The following AUTS2 variants were observed in gnomAD, a reference collection of about 807,000 sequenced individuals.
The protein encoded by AUTS2 is activator of transcription and developmental regulator AUTS2.
Under a neutral mutation model 112.4 loss-of-function variants are expected in AUTS2, and 17 were observed. The ratio of observed to expected loss-of-function variants is 0.15; its 90% CI spans 0.10 to 0.23. The LOEUF is 0.23. Among genes scored for constraint, AUTS2 ranks in the 10% least tolerant of loss-of-function variants. AUTS2 has a pLI of 1.00. For missense variants in AUTS2, 1,510 were observed against 1,701.6 expected, an observed-to-expected ratio of 0.89 and a Z score of 1.98; for synonymous variants, 751 against 702.7, an observed-to-expected ratio of 1.07 and a Z score of -1.09.
Position 70,440,226 on chromosome 7 carries a change from T to TAAAA in AUTS2, c.690+4465_690+4468dup, listed in dbSNP as rs768717430. Among the ~76,000 whole-genome samples, 812 of 92,794 alleles carry TAAAA rather than the reference T, an allele frequency of 8.8e-3. 2 individuals are homozygous for TAAAA. Among genetic ancestry groups the TAAAA allele is most frequent in the Non-Finnish European group, 0.016 (693 of 44,554 alleles). The allele number at this position is 92,794 out of a possible 152,430, so 60.9% of individuals were successfully genotyped here. ...GGGCAACATAGTGAGGCCCTGTCTC[T>TAAAA]AAAAAAAAAAAAAAAAAAAAAAATC... On this transcript the variant is annotated intron_variant, in intron 5 of 18. Transcript: ENST00000342771.
chr7:70,584,154 G>A (rs1200438386), intron 5 of AUTS2, among the ~76,000 whole-genome samples: 3 of 152,068 alleles, frequency 2.0e-5, no homozygotes, highest in East Asian at 1.9e-4. Context: ...CTGTTTCTTC[G>A]CACTGAAGTA....
At chr7:69,764,957 T>G (rs2129290444) in intron 1 of AUTS2, among the ~76,000 whole-genome samples, 1 of 152,320 alleles carries the variant, frequency 6.6e-6, no homozygotes. Context: ...TCTTTCTCCC[T>G]TTCTTTCCAG....
intron 4 of AUTS2, among the ~76,000 whole-genome samples, chr7:70,284,254 A>C (rs373479489): frequency 1.2e-4 from 18 of 152,316 alleles, no homozygotes; most frequent in African/African-American, 3.6e-4. Flanking sequence ...TGTATAGTAA[A>C]ACATAATTTT....
chr7:70,331,576 A>G (rs981083971), intron 4 of AUTS2, among the ~76,000 whole-genome samples: 1 of 144,916 alleles, frequency 6.9e-6, no homozygotes, highest in African/African-American at 2.6e-5. Context: ...GTTCTGATCT[A>G]TACTGGCAAA....
chr7:70,102,987 G>A (rs1804579965), intron 2 of AUTS2, among the ~76,000 whole-genome samples: 1 of 152,164 alleles, frequency 6.6e-6, no homozygotes, highest in African/African-American at 2.4e-5. Flanking sequence ...AGAATTGAGA[G>A]ACATGGTTGT....
At chr7:70,324,772 T>G (rs1435678867) in intron 4 of AUTS2, among the ~76,000 whole-genome samples, 1 of 152,192 alleles carries the variant, frequency 6.6e-6, no homozygotes, top group Non-Finnish European at 1.5e-5. Flanking sequence ...TGAGAAGATG[T>G]TATTGAGGAA....
chr7:70,324,540 G>C (rs567966420), intron 4 of AUTS2, among the ~76,000 whole-genome samples: 5 of 152,108 alleles, frequency 3.3e-5, no homozygotes, highest in South Asian at 2.1e-4. Flanking sequence ...TGGGAGGATT[G>C]CTTGAGCCTA....
At chr7:69,819,432 T>C (rs942345033) in intron 1 of AUTS2, among the ~76,000 whole-genome samples, 1 of 152,202 alleles carries the variant, frequency 6.6e-6, no homozygotes, top group African/African-American at 2.4e-5. Context: ...TAAACATTTC[T>C]TGGGGAAGTT....
chr7:69,918,290 A>G (rs572569748), intron 2 of AUTS2, among the ~76,000 whole-genome samples: 111 of 152,242 alleles, frequency 7.3e-4, no homozygotes, highest in African/African-American at 2.6e-3. Context: ...AAAAAGATCA[A>G]TTTCTTTTTT....
chr7:70,280,209 C>T (rs1788140695), intron 4 of AUTS2, among the ~76,000 whole-genome samples: 1 of 152,074 alleles, frequency 6.6e-6, no homozygotes, highest in Non-Finnish European at 1.5e-5. Flanking sequence ...CACTCCTCTA[C>T]TCTCTTCATG....
intron 5 of AUTS2, among the ~76,000 whole-genome samples, chr7:70,629,552 G>A (rs1048005595): frequency 2.6e-5 from 4 of 152,118 alleles, no homozygotes; most frequent in Non-Finnish European, 4.4e-5. Context: ...ACATGGTAGG[G>A]CCTGAATCCA....
At chr7:69,668,466 T>A (rs1157274671) in intron 1 of AUTS2, among the ~76,000 whole-genome samples, 1 of 152,206 alleles carries the variant, frequency 6.6e-6, no homozygotes, top group African/African-American at 2.4e-5. Context: ...GGAGGGAAAC[T>A]ACCCATCCAC....
intron 6 of AUTS2, among the ~76,000 whole-genome samples, chr7:70,741,743 C>G (rs1788125074): frequency 6.6e-6 from 1 of 151,650 alleles, no homozygotes; most frequent in African/African-American, 2.4e-5. Context: ...AATATGGCAT[C>G]TACCTTGTAA....
At chr7:69,635,186 G>A (rs1426144227) in intron 1 of AUTS2, among the ~76,000 whole-genome samples, 1 of 152,076 alleles carries the variant, frequency 6.6e-6, no homozygotes, top group Non-Finnish European at 1.5e-5. Context: ...TTTCCTTATT[G>A]GAGTTTGCTG....
chr7:69,804,182 CAGAT>C (rs1790203942), intron 1 of AUTS2, among the ~76,000 whole-genome samples: 1 of 152,140 alleles, frequency 6.6e-6, no homozygotes, highest in African/African-American at 2.4e-5. Context: ...GCAGCAGTGA[CAGAT>C]AGGAGGAAGA....
chr7:69,893,790 C>T (rs1794624281), intron 1 of AUTS2, among the ~76,000 whole-genome samples: 1 of 152,192 alleles, frequency 6.6e-6, no homozygotes, highest in South Asian at 2.1e-4. Context: ...CATCTGTAAT[C>T]AGCAAATGGA....
chr7:69,787,838 G>A (rs1185730434), intron 1 of AUTS2, among the ~76,000 whole-genome samples: 1 of 146,250 alleles, frequency 6.8e-6, no homozygotes, highest in African/African-American at 2.5e-5. Context: ...GCCTCCCAAA[G>A]TGCTGGGCTT....
intron 1 of AUTS2, among the ~76,000 whole-genome samples, chr7:69,805,136 T>C (rs1230376386): frequency 6.6e-6 from 1 of 152,228 alleles, no homozygotes; most frequent in African/African-American, 2.4e-5. Flanking sequence ...GCAGTGTTTA[T>C]AGTCTCAGCC....
intron 1 of AUTS2, among the ~76,000 whole-genome samples, chr7:69,872,925 C>T (rs1055659585): frequency 7.0e-6 from 1 of 141,906 alleles, no homozygotes; most frequent in African/African-American, 2.7e-5. Context: ...TCACTGCAAC[C>T]TTAGCCTGCC....
Sources: gnomAD v4.1 joint callset for allele counts (sites outside exome capture counted in the v4.1 genomes callset) on GRCh38, gnomAD v4.1.1 for gene constraint, MANE v1.5 for transcripts, NCBI Gene and HGNC (gene_info 2026-07-23, HGNC 2026-07-21) for gene names.